Variants in ZNF608 observed in about 807,000 individuals in gnomAD.
ZNF608 encodes renal carcinoma antigen NY-REN-36.
Under a neutral mutation model 109.0 loss-of-function variants are expected in ZNF608, and 12 were observed. The ratio of observed to expected loss-of-function variants is 0.11; its 90% CI spans 0.07 to 0.18. The LOEUF (loss-of-function observed/expected upper bound fraction) is 0.18. ZNF608 is among the 10% of genes least tolerant of loss of function. The pLI is 1.00. For missense variants in ZNF608, 1,707 were observed against 1,879.3 expected, an observed-to-expected ratio of 0.91 and a Z score of 1.70; for synonymous variants, 732 against 717.4, an observed-to-expected ratio of 1.02 and a Z score of -0.33.
chr5:124,680,126 G>C (rs904216452), intron 3 of ZNF608, among the ~76,000 whole-genome samples: 1 of 151,692 alleles, frequency 6.6e-6, no homozygotes, highest in African/African-American at 2.4e-5. Context: ...ACCAAGCATC[G>C]CTGAAGCCAC....
At chr5:124,747,028 G>T (rs1413705003), upstream of ZNF608, among the ~76,000 whole-genome samples, 1 of 151,964 alleles carries the variant, frequency 6.6e-6, no homozygotes, top group East Asian at 1.9e-4. Flanking sequence ...AGGATGTGAT[G>T]TTTTCCTGTC....
chr5:124,655,771 CTG>C (rs1750979644), intron 3 of ZNF608, among the ~76,000 whole-genome samples: 1 of 152,220 alleles, frequency 6.6e-6, no homozygotes. Flanking sequence ...TGTCGTCACT[CTG>C]TGGTATTCAA....
At chr5:124,650,490 C>T (rs1750728627) in intron 3 of ZNF608, among the ~76,000 whole-genome samples, 1 of 152,240 alleles carries the variant, frequency 6.6e-6, no homozygotes, top group South Asian at 2.1e-4. Context: ...CACTCGTTTC[C>T]TGCAAGCCAT....
intron 3 of ZNF608, among the ~76,000 whole-genome samples, chr5:124,671,487 C>G (rs981707000): frequency 6.6e-6 from 1 of 152,194 alleles, no homozygotes; most frequent in African/African-American, 2.4e-5. Flanking sequence ...GATTTAATTT[C>G]TCAACCTTCT....
At chr5:124,711,040 A>G (rs1172341281) in intron 2 of ZNF608, among the ~76,000 whole-genome samples, 2 of 152,224 alleles carry the variant, frequency 1.3e-5, no homozygotes, top group African/African-American at 4.8e-5. Context: ...GGTCAGGAGC[A>G]AAAACAAGAG....
At chr5:124,646,413 G>A (rs1750509633) in intron 5 of ZNF608, among the ~76,000 whole-genome samples, 1 of 152,092 alleles carries the variant, frequency 6.6e-6, no homozygotes, top group Non-Finnish European at 1.5e-5. Context: ...GAGTCACAGA[G>A]CAAGTTAGTG....
At chr5:124,703,098 T>C (rs757073409) in intron 2 of ZNF608, among the ~76,000 whole-genome samples, 2 of 152,206 alleles carry the variant, frequency 1.3e-5, no homozygotes, top group Non-Finnish European at 2.9e-5. Context: ...GGTTTTTTTT[T>C]TGCATGCTTT....
Position 124,744,265 on chromosome 5 carries a change from C to T in ZNF608, c.725G>A (p.Ser242Asn), listed in dbSNP as rs201956628. The T allele has an allele frequency of 6.2e-7, 1 of 1,613,586 alleles. No homozygotes were observed. Among genetic ancestry groups the T allele is most frequent in the Non-Finnish European group, 8.5e-7 (1 of 1,179,882 alleles). Residue 242 changes from serine (S) to asparagine (N), a missense_variant, in exon 2 of 10, where the codon AGC becomes AAC. Physicochemically the swap from Ser to Asn is conservative, Grantham distance 46. Coordinates refer to ENST00000513986, the MANE Select transcript of ZNF608 (RefSeq NM_020747.3). This position sits in a 1 kb window ranked among gnomAD's most constrained non-coding sequence, Gnocchi z 4.5. The stretch of plus-strand genomic sequence containing the variant: ...GAAGGGGCTCGCGCCACCTCCATTG[C>T]TCTTGGCCCCAAAGCCATAGAGGTG... ...GGHLYGFGAK[S>N]NGGGASPFHC...
intron 2 of ZNF608, among the ~76,000 whole-genome samples, chr5:124,703,675 G>A (rs1350677056): frequency 1.3e-5 from 2 of 152,106 alleles, no homozygotes; most frequent in East Asian, 1.9e-4. Context: ...GGCTGAGGTG[G>A]GAGGAACAAC....
intron 3 of ZNF608, among the ~76,000 whole-genome samples, chr5:124,685,788 C>T (rs1240736463): frequency 2.0e-5 from 3 of 152,172 alleles, no homozygotes; most frequent in Non-Finnish European, 4.4e-5. Flanking sequence ...CCCAAGCCAT[C>T]ACTAGAGCCA....
chr5:124,649,098 C>T lies in ZNF608; in HGVS notation c.1286G>A (p.Arg429Lys). 6.3e-7 allele frequency: 1 copy of T among 1,583,340 alleles called. No homozygotes were observed. The highest frequency in any genetic ancestry group is 8.6e-7 in the Non-Finnish European group (1 of 1,169,312). The change falls in exon 5 of 10, where the codon AGA (arginine) becomes AAA (lysine). Residue 429 changes from arginine to lysine, a missense_variant. Arg to Lys is a conservative substitution (Grantham distance 26). Around this residue, in one of 7 missense-constraint regions of ZNF608, gnomAD observed 166 missense variants for 204.2 expected, o/e 0.81. Transcript: ENST00000513986. Reference sequence around the variant, plus strand: ...TCTCTTCCCTCTGCCCCGGCCCCCTCTCATCTCCAGGTCACTTGTCGGTGA... The same window carrying T: ...TCTCTTCCCTCTGCCCCGGCCCCCTTTCATCTCCAGGTCACTTGTCGGTGA... ...CESPTSDLEM[R>K]GGRGRGKRAR...
chr5:124,650,359 C>G (rs1474350438), intron 3 of ZNF608, among the ~76,000 whole-genome samples: 1 of 152,092 alleles, frequency 6.6e-6, no homozygotes, highest in African/African-American at 2.4e-5. Flanking sequence ...TTAAGGACTC[C>G]TAAAATAGCC....
intron 3 of ZNF608, among the ~76,000 whole-genome samples, chr5:124,658,165 C>T (rs1439874559): frequency 6.6e-6 from 1 of 151,956 alleles, no homozygotes; most frequent in East Asian, 1.9e-4. Flanking sequence ...AAGACAAGTC[C>T]CCTGAGCTTG....
rs527525988 is a variant in ZNF608 at position 124,646,325 on chromosome 5, T to C, written c.3705+354A>G. Among the ~76,000 whole-genome samples the C allele has an allele frequency of 2.0e-5, 3 of 152,180 alleles. No homozygotes were observed. The East Asian group carries it at 5.8e-4, about 29-fold the overall frequency. ...GAGAGCCAAGATTGCACCACTGCACTCCAGCCTGGGTGACAGAGAGAGATT... is the reference window on the plus strand; with the variant it reads ...GAGAGCCAAGATTGCACCACTGCACCCCAGCCTGGGTGACAGAGAGAGATT... On this transcript the variant is annotated intron_variant, in intron 5 of 9. Coordinates refer to ENST00000513986, the MANE Select transcript of ZNF608 (RefSeq NM_020747.3).
chr5:124,656,381 A>C (rs1255578020), intron 3 of ZNF608, among the ~76,000 whole-genome samples: 1 of 152,202 alleles, frequency 6.6e-6, no homozygotes, highest in Admixed American at 6.5e-5. Flanking sequence ...CTTCTCTGTC[A>C]GCGGCTGGAA....
rs909223072 is a variant in ZNF608, at chr5:124,663,873, A to G, written c.1163-14176T>C. On this transcript the variant is annotated intron_variant, in intron 3 of 9. Transcript: ENST00000513986. ...ATAAAGTCTCCTGGTGCGGCCGATT[A>G]CATTTTCTGGTGCCATTCAGTTCTA... Among the ~76,000 whole-genome samples the G allele has an allele frequency of 2.6e-5, 4 of 152,216 alleles. No homozygotes were observed. In the East Asian group the frequency reaches 7.7e-4, roughly 29 times the overall value.
chr5:124,710,272 C>T (rs1297749885), intron 2 of ZNF608: 1 of 450,972 alleles, frequency 2.2e-6, no homozygotes. Flanking sequence ...ATTCCGATTT[C>T]TCTCAGCTTA....
At chr5:124,680,965 T>C (rs968172893) in intron 3 of ZNF608, among the ~76,000 whole-genome samples, 2 of 151,022 alleles carry the variant, frequency 1.3e-5, no homozygotes, top group Admixed American at 1.3e-4. Flanking sequence ...TAAACCAGAG[T>C]TTTGAAAAAG....
chr5:124,646,700 G>T lies in ZNF608; in HGVS notation c.3684C>A (p.Asp1228Glu), dbSNP rs1420341773. The T allele has an allele frequency of 6.2e-7, 1 of 1,613,798 alleles. No homozygotes were observed. Among genetic ancestry groups the T allele is most frequent in the Non-Finnish European group, 8.5e-7 (1 of 1,179,878 alleles). ...TTACTTGTTTAAATCTCGAGGTTGG[G>T]TCTACACCTGTCTGCTTCATAGAGT... ...VMDSMKQTGV[D>E]PTSRFKQDPD... Residue 1228 changes from aspartate to glutamate, a missense_variant, in exon 5 of 10, where the codon GAC (aspartate) becomes GAA (glutamate). Physicochemically the swap from Asp to Glu is conservative, Grantham distance 45. Around this residue, in one of 7 missense-constraint regions of ZNF608, gnomAD observed 1,073 missense variants for 1,133.5 expected, o/e 0.95. Transcript: ENST00000513986.
Sources: gnomAD v4.1 joint callset for allele counts (sites outside exome capture counted in the v4.1 genomes callset) on GRCh38, gnomAD v4.1.1 for gene constraint, gnomAD v4.1.1 regional missense constraint, Gnocchi (gnomAD v3.1) non-coding constraint, MANE v1.5 for transcripts, NCBI Gene and HGNC (gene_info 2026-07-23, HGNC 2026-07-21) for gene names.